Variants in MGAT4C observed in about 807,000 individuals in gnomAD.
The protein encoded by MGAT4C is MGAT4 family member C.
In MGAT4C, 19 loss-of-function variants were observed where a neutral mutation model predicts 40.1. The ratio of observed to expected loss-of-function variants is 0.47; its 90% CI spans 0.33 to 0.70. MGAT4C has a LOEUF of 0.70. Among genes scored for constraint, MGAT4C ranks in the 30% least tolerant of loss-of-function variants. MGAT4C has a pLI of 0.02. For missense variants in MGAT4C, 491 were observed against 563.2 expected, an observed-to-expected ratio of 0.87 and a Z score of 1.30; for synonymous variants, 181 against 187.1, an observed-to-expected ratio of 0.97 and a Z score of 0.27.
intron 1 of MGAT4C, among the ~76,000 whole-genome samples, chr12:86,142,015 C>T (rs1339362904): frequency 6.6e-6 from 1 of 152,088 alleles, no homozygotes; most frequent in Non-Finnish European, 1.5e-5. Context: ...ATCCAAACAA[C>T]ACTAATATGA....
At position 86,037,503 on chromosome 12, in the gene MGAT4C, T is replaced by A. The variant is rs1030882702; in HGVS notation, c.-7+12171A>T. ...TGGTATGTTGTGTCTTTGTTCTCAC[T>A]GATTTCAAAGAACATCTTTATTTCT... On this transcript the variant is annotated intron_variant, in intron 2 of 4. Coordinates refer to ENST00000611864, the MANE Select transcript of MGAT4C (RefSeq NM_001351288.2). 1.5e-4 allele frequency among the ~76,000 whole-genome samples: 23 copies of A among 150,290 alleles called. 2 individuals carry two copies. The highest frequency in any genetic ancestry group is 3.3e-4 in the Non-Finnish European group (22 of 67,036).
rs541618638 is a variant in MGAT4C, at chr12:86,439,434, A to G, written c.-228-4169T>C. On this transcript the variant is annotated intron_variant, in intron 2 of 7. Transcript: ENST00000548651. The stretch of plus-strand genomic sequence containing the variant: ...TAAAAACTATTCAAAATGAATGATA[A>G]CAGTGACACAAGTTATCAAAACCTC... 9.9e-5 allele frequency among the ~76,000 whole-genome samples: 15 copies of G among 152,184 alleles called. 1 individual carries two copies. Among genetic ancestry groups the G allele is most frequent in the African/African-American group, 3.4e-4 (14 of 41,544 alleles).
chr12:86,775,977 G>A (rs778938881), intron 1 of MGAT4C, among the ~76,000 whole-genome samples: 3 of 151,848 alleles, frequency 2.0e-5, no homozygotes, highest in Non-Finnish European at 4.4e-5. Context: ...AAATTTGACT[G>A]AACGAATAAC....
chr12:86,753,194 A>G (rs535084752), intron 1 of MGAT4C, among the ~76,000 whole-genome samples: 1 of 152,256 alleles, frequency 6.6e-6, no homozygotes, highest in East Asian at 1.9e-4. Flanking sequence ...CATAATGGCC[A>G]TAACGCCCAA....
intron 4 of MGAT4C, among the ~76,000 whole-genome samples, chr12:86,319,655 G>A (rs1030874173): frequency 6.6e-6 from 1 of 152,104 alleles, no homozygotes; most frequent in Non-Finnish European, 1.5e-5. Flanking sequence ...TATTTCTGCT[G>A]AATTCCTAAC....
chr12:86,212,913 AAAAAAAAAG>A, intron 1 of MGAT4C, among the ~76,000 whole-genome samples: 1 of 147,386 alleles, frequency 6.8e-6, no homozygotes, highest in Non-Finnish European at 1.5e-5. Flanking sequence ...AAAAAAAAAA[AAAAAAAAAG>A]AACACTCATT....
intron 1 of MGAT4C, among the ~76,000 whole-genome samples, chr12:86,729,414 G>A (rs1950874895): frequency 6.6e-6 from 1 of 151,684 alleles, no homozygotes; most frequent in African/African-American, 2.4e-5. Context: ...AACTAATAAA[G>A]CCAAACACTT....
chr12:85,965,013 G>GAATATTCTCT lies in MGAT4C; in HGVS notation c.*14275_*14276insAGAGAATATT, dbSNP rs1883283823. ...CTTTCTATTCTCTGTCAAATGTGGA[G>GAATATTCTCT]GTCATGGATCCTTCTTGGCACCTAA... On this transcript the variant is annotated 3_prime_UTR_variant, in exon 5 of 5. Transcript: ENST00000611864. The GAATATTCTCT allele has an allele frequency of 6.6e-6, 1 of 152,088 alleles. No individual in the cohort carries two copies. Among genetic ancestry groups the GAATATTCTCT allele is most frequent in the Non-Finnish European group, 1.5e-5 (1 of 68,020 alleles). 9.4% of individuals were successfully genotyped at this position (152,088 alleles called of 1,614,324 possible). A position where few individuals can be genotyped will look rare whatever the true frequency, so the allele number is the denominator to read the frequency against.
chr12:86,695,313 G>C (rs926498124), intron 2 of MGAT4C, among the ~76,000 whole-genome samples: 3 of 152,144 alleles, frequency 2.0e-5, no homozygotes, highest in African/African-American at 7.2e-5. Context: ...CTTGTACACT[G>C]TTGGTAAAAA....
Position 85,983,515 on chromosome 12 carries a change from ATACT to A in MGAT4C, c.295+4_295+7del. 1 of 1,537,232 alleles carries A rather than the reference ATACT, an allele frequency of 6.5e-7. No homozygotes were observed. Among genetic ancestry groups the A allele is most frequent in the Non-Finnish European group, 8.7e-7 (1 of 1,147,638 alleles). On this transcript the variant is annotated splice_donor_5th_base_variant and intron_variant, in intron 4 of 4. Coordinates refer to ENST00000611864, the MANE Select transcript of MGAT4C (RefSeq NM_001351288.2). ...GTATTCTTTATTTAAATGTTTAAGG[ATACT>A]TACGCTTTCTTTGTAAAGGTGTGGC...
intron 3 of MGAT4C, among the ~76,000 whole-genome samples, chr12:86,386,847 G>A (rs909432256): frequency 6.6e-6 from 1 of 151,930 alleles, no homozygotes; most frequent in Non-Finnish European, 1.5e-5. Flanking sequence ...TCTTCTATTT[G>A]ACTTGTTAAC....
chr12:86,517,262 A>T (rs986187166), intron 2 of MGAT4C, among the ~76,000 whole-genome samples: 1 of 152,240 alleles, frequency 6.6e-6, no homozygotes, highest in East Asian at 1.9e-4. Flanking sequence ...TGTACATTTT[A>T]AAAGAGTGAG....
At chr12:86,083,001 G>A (rs1016870255) in intron 1 of MGAT4C, among the ~76,000 whole-genome samples, 1 of 151,962 alleles carries the variant, frequency 6.6e-6, no homozygotes, top group African/African-American at 2.4e-5. Flanking sequence ...AGACAACTCA[G>A]TCTCAATCTA....
chr12:86,676,445 AAAC>A (rs1964402366), intron 2 of MGAT4C, among the ~76,000 whole-genome samples: 1 of 152,168 alleles, frequency 6.6e-6, no homozygotes, highest in Non-Finnish European at 1.5e-5. Flanking sequence ...TGAATTAGCA[AAAC>A]AAAAACATAC....
At chr12:86,010,659 C>T (rs1378715237) in intron 2 of MGAT4C, among the ~76,000 whole-genome samples, 1 of 151,834 alleles carries the variant, frequency 6.6e-6, no homozygotes, top group Non-Finnish European at 1.5e-5. Flanking sequence ...GCCTGAGTGA[C>T]AGAGCAAGAC....
chr12:86,734,521 G>A (rs11104060), intron 1 of MGAT4C, among the ~76,000 whole-genome samples: 62,935 of 151,796 alleles, frequency 0.41, 13,218 homozygotes, highest in East Asian at 0.46. Context: ...ATGGCAGTAG[G>A]AGGTAGAGCC....
rs1884287928 is a variant in MGAT4C, at chr12:85,979,525, G to C, written c.1201C>G (p.Arg401Gly). Residue 401 changes from arginine (R) to glycine (G), a missense_variant, in exon 5 of 5, where the codon CGG becomes GGG. By Grantham distance (125) the Arg-to-Gly change is moderately radical. Coordinates refer to ENST00000611864, the MANE Select transcript of MGAT4C (RefSeq NM_001351288.2). Reference protein sequence around the residue: ...KIKVNTGTEDRQNDILHHGAL... With the variant: ...KIKVNTGTEDGQNDILHHGAL... ...CCATGATGCAAAATATCATTTTGCC[G>C]ATCTTCTGTTCCAGTATTTACTTTA... 1.1e-5 allele frequency: 17 copies of C among 1,611,802 alleles called. No individual in the cohort carries two copies. The highest frequency in any genetic ancestry group is 1.4e-5 in the Non-Finnish European group (16 of 1,178,540).
At position 85,997,588 on chromosome 12, in the gene MGAT4C, A is replaced by G. The variant is rs1328159180; in HGVS notation, c.-6-8036T>C. 7.9e-5 allele frequency among the ~76,000 whole-genome samples: 12 copies of G among 152,286 alleles called. No individual in the cohort carries two copies. In the East Asian group the frequency reaches 2.3e-3, roughly 29 times the overall value. ...CATTGGGTAAATACAGCCATTACAA[A>G]TGGAAGAAATTGGTCAAAACAAAGG... On this transcript the variant is annotated intron_variant, in intron 2 of 4. Coordinates refer to ENST00000611864, the MANE Select transcript of MGAT4C (RefSeq NM_001351288.2).
intron 2 of MGAT4C, among the ~76,000 whole-genome samples, chr12:86,644,473 T>G (rs574528253): frequency 6.6e-6 from 1 of 151,912 alleles, no homozygotes; most frequent in East Asian, 1.9e-4. Context: ...TATTAGTATA[T>G]CCACCATATT....
Sources: allele counts gnomAD v4.1 joint callset (sites outside exome capture counted in the v4.1 genomes callset), GRCh38; gene constraint gnomAD v4.1.1; transcripts MANE v1.5; gene names NCBI Gene and HGNC (gene_info 2026-07-23, HGNC 2026-07-21).